Variants in GRK4 observed in about 807,000 individuals in gnomAD.
The protein encoded by GRK4 is G protein-coupled receptor kinase 4.
In GRK4, 73 loss-of-function variants were observed where a neutral mutation model predicts 77.9. The ratio of observed to expected loss-of-function variants is 0.94; its 90% CI spans 0.78 to 1.14. GRK4 has a LOEUF of 1.14. Ranked by LOEUF, GRK4 falls within the 50% of genes most tolerant of loss-of-function variation. The pLI is 0.00. For missense variants in GRK4, 729 were observed against 700.2 expected (o/e 1.04, Z -0.46); for synonymous variants, 257 against 254.4 (o/e 1.01, Z -0.10).
chr4:2,973,628 C>T (rs1720231798), intron 1 of GRK4, among the ~76,000 whole-genome samples: 1 of 152,082 alleles, frequency 6.6e-6, no homozygotes, highest in African/African-American at 2.4e-5. Context: ...AGTGTTCAGC[C>T]CTCAACTCAA....
intron 13 of GRK4, among the ~76,000 whole-genome samples, chr4:3,036,649 C>G (rs956601579): frequency 1.3e-5 from 2 of 152,254 alleles, no homozygotes; most frequent in African/African-American, 4.8e-5. Context: ...GCCTGACCCT[C>G]TGCCTCTGAG....
At chr4:2,971,998 G>T (rs760516777) in intron 1 of GRK4, among the ~76,000 whole-genome samples, 1 of 152,192 alleles carries the variant, frequency 6.6e-6, no homozygotes, top group Non-Finnish European at 1.5e-5. Context: ...TAAGATCACT[G>T]TCTGAGGGTT....
intron 12 of GRK4, among the ~76,000 whole-genome samples, chr4:3,032,734 G>T (rs1021694524): frequency 6.6e-6 from 1 of 152,224 alleles, no homozygotes; most frequent in African/African-American, 2.4e-5. Flanking sequence ...TTATAGGATT[G>T]TTGGGAGGAT....
At chr4:2,992,489 G>A (rs1176483907) in intron 4 of GRK4, among the ~76,000 whole-genome samples, 197 bp downstream of exon 4, 6 of 152,044 alleles carry the variant, frequency 3.9e-5, no homozygotes, top group Non-Finnish European at 7.4e-5. Context: ...AGATCAGCAT[G>A]GCCAACATAG....
chr4:2,977,328 CT>C (rs1456830473), intron 1 of GRK4, among the ~76,000 whole-genome samples: 1 of 152,200 alleles, frequency 6.6e-6, no homozygotes, highest in African/African-American at 2.4e-5. Context: ...TGTGTGCTGC[CT>C]CTTGAGTTAT....
chr4:2,990,406 G>GCCCA, intron 3 of GRK4, among the ~76,000 whole-genome samples: 1 of 151,918 alleles, frequency 6.6e-6, no homozygotes, highest in Admixed American at 6.6e-5. Context: ...ACAGGCATGT[G>GCCCA]CCACCACACC....
intron 5 of GRK4, among the ~76,000 whole-genome samples, chr4:3,004,792 G>A (rs1368013416): frequency 1.3e-5 from 2 of 152,078 alleles, no homozygotes; most frequent in Non-Finnish European, 2.9e-5. Flanking sequence ...AGGAGGAGCT[G>A]GTCTTGCTGT....
intron 1 of GRK4, among the ~76,000 whole-genome samples, chr4:2,970,663 A>C (rs1281897403): frequency 1.3e-5 from 2 of 151,804 alleles, no homozygotes; most frequent in African/African-American, 2.4e-5. Flanking sequence ...TCTCAAAAAA[A>C]AAAAAAAATG....
In GRK4 at chr4:3,029,197, G is replaced by T; in HGVS notation, c.1061-4G>T. ...AATTTCCATTTCCTGTATTTGTTAT[G>T]TAGCACCTGAAGTTGTCAATAATGA... is the stretch of plus-strand genomic sequence containing the variant. On this transcript the variant is annotated splice_region_variant and splice_polypyrimidine_tract_variant and intron_variant, in intron 11 of 15. Coordinates refer to ENST00000398052, the MANE Select transcript of GRK4 (RefSeq NM_182982.3). The T allele has an allele frequency of 6.2e-7, 1 of 1,601,894 alleles. No homozygotes were observed. Among genetic ancestry groups the T allele is most frequent in the South Asian group, 1.1e-5 (1 of 89,304 alleles).
intron 1 of GRK4, among the ~76,000 whole-genome samples, chr4:2,978,896 C>T (rs1721974605): frequency 6.6e-6 from 1 of 151,650 alleles, no homozygotes; most frequent in Non-Finnish European, 1.5e-5. Context: ...AGTTCGAGAC[C>T]AGCCTGGCCC....
In GRK4 at chr4:2,992,255, G is replaced by A. The variant is rs762746916; in HGVS notation, c.302G>A (p.Cys101Tyr). 6 of 1,609,216 alleles carry A rather than the reference G, an allele frequency of 3.7e-6. No individual in the cohort carries two copies. In the East Asian group the frequency reaches 1.3e-4, roughly 36 times the overall value. Residue 101 changes from cysteine (C) to tyrosine (Y), a missense_variant, in exon 4 of 16, where the codon TGT becomes TAT. Transcript: ENST00000398052. ...GCCGATGATGAGGACCGAAGTGATT[G>A]TGGACTGTCAATCTTAGATAGATTC... ...EVADDEDRSD[C>Y]GLSILDRFFN...
chr4:3,010,097 G>A (rs1040754287), intron 7 of GRK4, among the ~76,000 whole-genome samples: 5 of 152,176 alleles, frequency 3.3e-5, no homozygotes, highest in Non-Finnish European at 4.4e-5. Flanking sequence ...ATATACTTAC[G>A]TAACCCTACT....
At chr4:3,009,898 C>T (rs1310334705) in intron 7 of GRK4, among the ~76,000 whole-genome samples, 187 bp downstream of exon 7, 1 of 152,170 alleles carries the variant, frequency 6.6e-6, no homozygotes, top group Non-Finnish European at 1.5e-5. Context: ...TTAAGAATCC[C>T]TTCTCTTGGT....
intron 3 of GRK4, among the ~76,000 whole-genome samples, chr4:2,989,336 T>C (rs1476728533): frequency 6.6e-6 from 1 of 152,236 alleles, no homozygotes; most frequent in Non-Finnish European, 1.5e-5. Context: ...GAGAATCACA[T>C]GTAGTCATTG....
At chr4:3,000,956 C>T (rs1447664903) in intron 4 of GRK4, among the ~76,000 whole-genome samples, 2 of 151,462 alleles carry the variant, frequency 1.3e-5, no homozygotes, top group African/African-American at 4.9e-5. Flanking sequence ...CTGGAGAGTC[C>T]AGCAGGGTGT....
At chr4:3,012,062 C>T (rs748946968) in intron 7 of GRK4, among the ~76,000 whole-genome samples, 8 of 152,196 alleles carry the variant, frequency 5.3e-5, no homozygotes, top group East Asian at 1.9e-4. Context: ...TGTGAGCCAG[C>T]GAGTGTTCAC....
At chr4:3,017,436 G>A (rs1440548379) in intron 8 of GRK4, among the ~76,000 whole-genome samples, 1 of 152,170 alleles carries the variant, frequency 6.6e-6, no homozygotes, top group Non-Finnish European at 1.5e-5. Context: ...GCTCACCACT[G>A]CATCCCAGCT....
chr4:3,020,267 AAGTGCTGGGATTACAGGTGTG>A (rs1183598562), intron 9 of GRK4, among the ~76,000 whole-genome samples: 2 of 152,166 alleles, frequency 1.3e-5, no homozygotes, highest in African/African-American at 4.8e-5. Context: ...CAGCCTCCAA[AAGTGCTGGGATTACAGGTGTG>A]AGCCACCGTG....
chr4:3,004,003 G>A (rs960413576), intron 4 of GRK4, among the ~76,000 whole-genome samples: 1 of 152,248 alleles, frequency 6.6e-6, no homozygotes, highest in African/African-American at 2.4e-5. Context: ...ACAGGCGTGT[G>A]CCGTTGCATC....
Sources: allele counts gnomAD v4.1 joint callset (sites outside exome capture counted in the v4.1 genomes callset), GRCh38; gene constraint gnomAD v4.1.1; transcripts MANE v1.5; gene names NCBI Gene and HGNC (gene_info 2026-07-23, HGNC 2026-07-21).